The following LRP1B variants were observed in gnomAD, a reference collection of about 807,000 sequenced individuals.
The protein encoded by LRP1B is low-density lipoprotein receptor-related protein 1B.
Under a neutral mutation model 556.6 loss-of-function variants are expected in LRP1B, and 217 were observed. The ratio of observed to expected loss-of-function variants is 0.39; its 90% CI spans 0.35 to 0.44. The LOEUF is 0.44. LRP1B is among the 20% of genes least tolerant of loss of function. The pLI is 1.00. For synonymous variants in LRP1B, 2,047 were observed against 1,865.8 expected (o/e 1.10, Z -2.50); for missense variants, 5,053 against 5,620.8 (o/e 0.90, Z 3.23).
chr2:140,405,852 C>A (rs1684709927), intron 66 of LRP1B, among the ~76,000 whole-genome samples: 1 of 152,036 alleles, frequency 6.6e-6, no homozygotes, highest in Non-Finnish European at 1.5e-5. Flanking sequence ...TCTATGAAGC[C>A]AGTATCACCC....
intron 3 of LRP1B, among the ~76,000 whole-genome samples, chr2:141,369,362 A>G (rs1689148373): frequency 6.6e-6 from 1 of 152,122 alleles, no homozygotes; most frequent in South Asian, 2.1e-4. Context: ...TAAGAATAAG[A>G]CTGAAATTCA....
intron 16 of LRP1B, among the ~76,000 whole-genome samples, chr2:140,992,365 T>C (rs150744687): frequency 6.6e-6 from 1 of 152,168 alleles, no homozygotes; most frequent in African/African-American, 2.4e-5. Context: ...CTTCTACCCA[T>C]AGAGGAGGTC....
intron 25 of LRP1B, among the ~76,000 whole-genome samples, chr2:140,870,285 T>C (rs1335502850): frequency 2.0e-5 from 3 of 152,150 alleles, no homozygotes; most frequent in African/African-American, 7.2e-5. Flanking sequence ...TTTCTGGAAA[T>C]TATAGCCACC....
chr2:141,250,266 C>A (rs1486942431), intron 4 of LRP1B, among the ~76,000 whole-genome samples: 2 of 152,092 alleles, frequency 1.3e-5, no homozygotes, highest in African/African-American at 2.4e-5. Context: ...CAGGGTGGGG[C>A]CCCTAGGTAG....
At chr2:141,241,220 T>C (rs300366) in intron 5 of LRP1B, among the ~76,000 whole-genome samples, 146,174 of 152,172 alleles carry the variant, frequency 0.96, 70,484 homozygotes, top group East Asian at 1. Context: ...CCAGAAAAGA[T>C]GTAGAGTAAA....
chr2:140,444,783 T>G, intron 63 of LRP1B, 104 bp from the exon 64 acceptor site: 1 of 705,874 alleles, frequency 1.4e-6, no homozygotes, highest in Non-Finnish European at 2.5e-6. Flanking sequence ...AAATATATCC[T>G]GGAATACAAT....
chr2:141,262,078 T>C (rs1166277551), intron 3 of LRP1B, among the ~76,000 whole-genome samples: 3 of 152,190 alleles, frequency 2.0e-5, no homozygotes, highest in African/African-American at 7.2e-5. Context: ...TTTTATTTTT[T>C]AGTCATTTGA....
chr2:140,886,973 T>C (rs1693655912), intron 23 of LRP1B, among the ~76,000 whole-genome samples: 1 of 152,186 alleles, frequency 6.6e-6, no homozygotes, highest in Non-Finnish European at 1.5e-5. Context: ...AAGTTTCTTT[T>C]AGTATTATTT....
chr2:140,378,305 C>G lies in LRP1B; in HGVS notation c.10532-19G>C, dbSNP rs1379551562. On this transcript the variant is annotated intron_variant, in intron 67 of 90. Transcript: ENST00000389484. ...TGTGGCTCTGGGGATAAAAAAACAGCACAGGGTTATTCTATTATATGTAAG... is the reference window on the plus strand; with the variant it reads ...TGTGGCTCTGGGGATAAAAAAACAGGACAGGGTTATTCTATTATATGTAAG... The G allele has an allele frequency of 7.4e-7, 1 of 1,345,994 alleles. No individual in the cohort carries two copies. The highest frequency in any genetic ancestry group is 1.7e-5 in the Admixed American group (1 of 58,802). 83.4% of individuals were successfully genotyped at this position (1,345,994 alleles called of 1,614,324 possible). A position where few individuals can be genotyped will look rare whatever the true frequency, so the allele number is the denominator to read the frequency against.
At chr2:141,129,712 A>G (rs1701302066) in intron 7 of LRP1B, among the ~76,000 whole-genome samples, 1 of 152,092 alleles carries the variant, frequency 6.6e-6, no homozygotes, top group Admixed American at 6.6e-5. Flanking sequence ...CAACAAAAAT[A>G]TTTTATAAGC....
chr2:141,018,573 T>C (rs1292323321), intron 12 of LRP1B, among the ~76,000 whole-genome samples: 2 of 152,110 alleles, frequency 1.3e-5, no homozygotes, highest in Non-Finnish European at 2.9e-5. Flanking sequence ...CTAAATTATA[T>C]GTTTCTATGA....
chr2:141,939,621 T>C (rs1227079070), intron 1 of LRP1B, among the ~76,000 whole-genome samples: 1 of 152,138 alleles, frequency 6.6e-6, no homozygotes, highest in African/African-American at 2.4e-5. Context: ...AAACCTAACT[T>C]TCTACTTATT....
intron 60 of LRP1B, among the ~76,000 whole-genome samples, chr2:140,460,967 A>G (rs1687290309): frequency 1.3e-5 from 2 of 151,772 alleles, no homozygotes; most frequent in Admixed American, 1.3e-4. Flanking sequence ...CAAATAGAAA[A>G]AGTGGCCATC....
rs188200839 is a variant in LRP1B at position 140,962,116 on chromosome 2, C to G, written c.2888-10176G>C. Among the ~76,000 whole-genome samples, 363 of 152,240 alleles carry G rather than the reference C, an allele frequency of 2.4e-3. 1 individual carries two copies. The highest frequency in any genetic ancestry group is 4.5e-3 in the Non-Finnish European group (303 of 68,004). On this transcript the variant is annotated intron_variant, in intron 18 of 90. Transcript: ENST00000389484. ...AATAGAGAATGGGTATGCACTGAAC[C>G]TAGAATTTCAGAACCTGTAAGGATT...
chr2:141,934,066 C>A (rs958356340), intron 1 of LRP1B, among the ~76,000 whole-genome samples: 1 of 151,980 alleles, frequency 6.6e-6, no homozygotes, highest in African/African-American at 2.4e-5. Flanking sequence ...AAAATGACTA[C>A]AAAAGCAATC....
chr2:141,941,057 T>C (rs1404381722), intron 1 of LRP1B, among the ~76,000 whole-genome samples: 2 of 152,186 alleles, frequency 1.3e-5, no homozygotes, highest in African/African-American at 4.8e-5. Context: ...TGTAAACATG[T>C]TTTAGAACAA....
At chr2:141,527,055 TGTACCTA>T (rs1490549819) in intron 2 of LRP1B, among the ~76,000 whole-genome samples, 2 of 152,120 alleles carry the variant, frequency 1.3e-5, no homozygotes, top group Admixed American at 1.3e-4. Context: ...CATTCAAAAC[TGTACCTA>T]GTCATGGGGT....
chr2:141,963,633 C>T (rs376874903), intron 1 of LRP1B, among the ~76,000 whole-genome samples: 9 of 151,462 alleles, frequency 5.9e-5, no homozygotes, highest in African/African-American at 1.9e-4. Context: ...CCACAGCCAA[C>T]ATCATACTGA....
rs751021215 is a variant in LRP1B at position 140,444,695 on chromosome 2, T to C, written c.10058-16A>G. On this transcript the variant is annotated splice_polypyrimidine_tract_variant and intron_variant, in intron 63 of 90. Coordinates refer to ENST00000389484, the MANE Select transcript of LRP1B (RefSeq NM_018557.3). ...CTAAATTCAGCTAGGGGAGAAAGCA[T>C]AGATATTGTGGAATGGTAATCTTAC... is the stretch of plus-strand genomic sequence containing the variant. 1.3e-6 allele frequency: 2 copies of C among 1,516,976 alleles called. No homozygotes were observed. Among genetic ancestry groups the C allele is most frequent in the Non-Finnish European group, 1.8e-6 (2 of 1,093,294 alleles). 94.0% of individuals were successfully genotyped at this position (1,516,976 alleles called of 1,614,324 possible). A position where few individuals can be genotyped will look rare whatever the true frequency, so the allele number is the denominator to read the frequency against.
Sources: allele counts gnomAD v4.1 joint callset (sites outside exome capture counted in the v4.1 genomes callset), GRCh38; gene constraint gnomAD v4.1.1; transcripts MANE v1.5; gene names NCBI Gene and HGNC (gene_info 2026-07-23, HGNC 2026-07-21).